The following ELF1 variants were observed in gnomAD, a reference collection of about 807,000 sequenced individuals.
ELF1 encodes the protein E74 like ETS transcription factor 1.
A neutral mutation model predicts 59.9 loss-of-function variants in ELF1; 24 were observed. The ratio of observed to expected loss-of-function variants is 0.40; its 90% confidence interval spans 0.29 to 0.56. ELF1 has a LOEUF of 0.56. ELF1 is among the 20% of genes least tolerant of loss of function. ELF1 has a pLI of 0.44. For synonymous variants in ELF1, 248 were observed against 266.2 expected, an observed-to-expected ratio of 0.93 and a Z score of 0.67; for missense variants, 627 against 742.2, an observed-to-expected ratio of 0.84 and a Z score of 1.80.
chr13:40,965,319 C>T (rs1197236409), intron 2 of ELF1, among the ~76,000 whole-genome samples: 2 of 152,150 alleles, frequency 1.3e-5, no homozygotes, highest in Non-Finnish European at 2.9e-5. Flanking sequence ...ATGTTACCTA[C>T]TTTTAAGAAA....
intron 1 of ELF1, among the ~76,000 whole-genome samples, chr13:41,011,680 G>C (rs1002888929): frequency 5.3e-5 from 8 of 152,096 alleles, no homozygotes; most frequent in African/African-American, 1.9e-4. Flanking sequence ...CTGGGCCCAA[G>C]TGATCCACCT....
At chr13:40,962,447 G>A (rs993634918) in intron 2 of ELF1, among the ~76,000 whole-genome samples, 1 of 151,882 alleles carries the variant, frequency 6.6e-6, no homozygotes, top group Admixed American at 6.6e-5. Context: ...CTTTGGGAGG[G>A]CAAGGTGGGT....
Position 40,964,273 on chromosome 13 carries a change from G to A in ELF1, c.73-5257C>T, listed in dbSNP as rs540676883. 2.6e-5 allele frequency among the ~76,000 whole-genome samples: 4 copies of A among 152,224 alleles called. No individual in the cohort carries two copies. The South Asian group carries it at 8.3e-4, about 32-fold the overall frequency. ...GATTTTCAAAACAAATAAAATATTG[G>A]GACTTATATTAGTTTGCTACGGCTG... On this transcript the variant is annotated intron_variant, in intron 2 of 8. Coordinates refer to ENST00000239882, the MANE Select transcript of ELF1 (RefSeq NM_172373.4).
At chr13:40,939,339 AC>A (rs1366832965) in intron 8 of ELF1, among the ~76,000 whole-genome samples, 2 of 151,380 alleles carry the variant, frequency 1.3e-5, no homozygotes, top group East Asian at 3.9e-4. Flanking sequence ...CAAAACAAAA[AC>A]CTACTCTATA....
chr13:40,963,691 G>A (rs898914280), intron 2 of ELF1, among the ~76,000 whole-genome samples: 23 of 152,124 alleles, frequency 1.5e-4, no homozygotes, highest in Admixed American at 5.2e-4. Flanking sequence ...GGCGGATCAC[G>A]AGGTCAAGAG....
chr13:40,955,204 C>T (rs1171497372), intron 3 of ELF1, among the ~76,000 whole-genome samples: 6 of 149,888 alleles, frequency 4.0e-5, no homozygotes, highest in Admixed American at 1.3e-4. Flanking sequence ...AGGAGCCCCT[C>T]CGCCCGGCAG....
At chr13:41,045,514 A>T (rs1876806123) in intron 1 of ELF1, among the ~76,000 whole-genome samples, 1 of 152,196 alleles carries the variant, frequency 6.6e-6, no homozygotes, top group African/African-American at 2.4e-5. Context: ...GGTTTCAAAG[A>T]ACATGTTTAT....
intron 1 of ELF1, chr13:40,992,802 C>T (rs1873933007): frequency 2.2e-6 from 1 of 456,442 alleles, no homozygotes; most frequent in Admixed American, 3.6e-5. Context: ...GAGAACTATA[C>T]ATGTGAGGAT....
intron 2 of ELF1, among the ~76,000 whole-genome samples, chr13:40,959,368 C>T (rs1436699387): frequency 6.6e-6 from 1 of 151,946 alleles, no homozygotes; most frequent in Non-Finnish European, 1.5e-5. Flanking sequence ...CGGTGGCATG[C>T]ACCTGTAGTC....
intron 1 of ELF1, among the ~76,000 whole-genome samples, chr13:40,989,994 A>C (rs550523411): frequency 2.1e-4 from 31 of 151,038 alleles, no homozygotes; most frequent in African/African-American, 7.1e-4. Flanking sequence ...TTTATTGTCC[A>C]CTAATAAACA....
At chr13:41,049,810 A>G (rs1277141408) in intron 1 of ELF1, among the ~76,000 whole-genome samples, 1 of 152,166 alleles carries the variant, frequency 6.6e-6, no homozygotes, top group Non-Finnish European at 1.5e-5. Context: ...ACTTAAGCAC[A>G]CTTTTTACTT....
rs570233943 is a variant in ELF1 at position 41,028,856 on chromosome 13, C to T, written c.-229+31982G>A. Among the ~76,000 whole-genome samples, 10 of 152,284 alleles carry T rather than the reference C, an allele frequency of 6.6e-5. No homozygotes were observed. The South Asian group carries it at 2.1e-3, about 32-fold the overall frequency. The stretch of plus-strand genomic sequence containing the variant: ...TCAAGCGATTCTTAAGCCTCAGCCT[C>T]CCGAGTAGCTGGGACTACAAGTGCA... On this transcript the variant is annotated intron_variant, in intron 1 of 1. Coordinates refer to the ELF1 transcript ENST00000405737.
rs1269446815 is a variant in ELF1 at position 40,933,835 on chromosome 13, C to T, written c.1450G>A (p.Val484Ile). The T allele has an allele frequency of 1.9e-6, 3 of 1,614,098 alleles. No individual in the cohort carries two copies. Among genetic ancestry groups the T allele is most frequent in the Non-Finnish European group, 2.5e-6 (3 of 1,180,036 alleles). ...CCCGCCTTTTGTGACTGCAGCATGACATTTTCTTTCAGTACTGTCATGGGC... is the reference window on the plus strand; with the variant it reads ...CCCGCCTTTTGTGACTGCAGCATGATATTTTCTTTCAGTACTGTCATGGGC... ...SQPMTVLKENVMLQSQKAGSP... is the reference protein window; with the variant it reads ...SQPMTVLKENIMLQSQKAGSP... Residue 484 changes from valine to isoleucine, a missense_variant, in exon 9 of 9, where the codon GTC becomes ATC. Physicochemically the swap from Val to Ile is conservative, Grantham distance 29. Coordinates refer to ENST00000239882, the MANE Select transcript of ELF1 (RefSeq NM_172373.4).
chr13:40,982,138 G>T lies in ELF1; in HGVS notation c.-84C>A. On this transcript the variant is annotated 5_prime_UTR_variant, in exon 2 of 9. Transcript: ENST00000239882. ...GCAGCAAAATCCAGTGACTGATTTGGGTAAAAAACCCTCAGCTCTGTCTGT... is the reference window on the plus strand; with the variant it reads ...GCAGCAAAATCCAGTGACTGATTTGTGTAAAAAACCCTCAGCTCTGTCTGT... The T allele has an allele frequency of 6.4e-7, 1 of 1,551,528 alleles. No homozygotes were observed. The highest frequency in any genetic ancestry group is 1.4e-5 in the African/African-American group (1 of 72,614).
At chr13:40,994,282 T>C (rs911573007) in intron 1 of ELF1, among the ~76,000 whole-genome samples, 2 of 152,222 alleles carry the variant, frequency 1.3e-5, no homozygotes, top group Non-Finnish European at 2.9e-5. Flanking sequence ...GACCTGTCCA[T>C]ACCTGTGGTC....
At chr13:40,978,583 C>T (rs1267576492) in intron 2 of ELF1, among the ~76,000 whole-genome samples, 1 of 151,864 alleles carries the variant, frequency 6.6e-6, no homozygotes, top group East Asian at 1.9e-4. Flanking sequence ...TAAAAGACAA[C>T]ACTAGACTGG....
At chr13:41,012,746 C>T (rs934964529) in intron 1 of ELF1, among the ~76,000 whole-genome samples, 1 of 151,504 alleles carries the variant, frequency 6.6e-6, no homozygotes, top group Admixed American at 6.6e-5. Flanking sequence ...CTTGTAGAGA[C>T]AGGGTCTTGC....
intron 1 of ELF1, among the ~76,000 whole-genome samples, chr13:41,031,098 G>T (rs1263744150): frequency 6.6e-6 from 1 of 151,364 alleles, no homozygotes; most frequent in African/African-American, 2.4e-5. Context: ...GGTTGAGGCT[G>T]CAGTAAGCCA....
At chr13:40,999,169 T>C (rs1874275667) in intron 1 of ELF1, among the ~76,000 whole-genome samples, 1 of 152,234 alleles carries the variant, frequency 6.6e-6, no homozygotes, top group African/African-American at 2.4e-5. Flanking sequence ...AATATAAAGA[T>C]AATGCATGGC....
Sources: gnomAD v4.1 joint callset for allele counts (sites outside exome capture counted in the v4.1 genomes callset) on GRCh38, gnomAD v4.1.1 for gene constraint, MANE v1.5 for transcripts, NCBI Gene and HGNC (gene_info 2026-07-23, HGNC 2026-07-21) for gene names.